SND1: variants seen among roughly 807,000 people sequenced by gnomAD.
The protein encoded by SND1 is staphylococcal nuclease and tudor domain containing 1, also known as staphylococcal nuclease domain-containing protein 1.
A neutral mutation model predicts 121.7 loss-of-function variants in SND1; 38 were observed. The observed-to-expected ratio is 0.31, with a 90% CI of 0.24 to 0.41. The LOEUF (loss-of-function observed/expected upper bound fraction) is 0.41. Among genes scored for constraint, SND1 ranks in the 10% least tolerant of loss-of-function variants. The pLI, the probability that SND1 is intolerant of heterozygous loss-of-function variation, is 1.00. For synonymous variants in SND1, 401 were observed against 447.4 expected (o/e 0.90, Z 1.31); for missense variants, 868 against 1,184.6 (o/e 0.73, Z 3.92).
At chr7:127,990,553 T>C (rs144985343) in intron 15 of SND1, among the ~76,000 whole-genome samples, 283 of 152,270 alleles carry the variant, frequency 1.9e-3, no homozygotes, top group African/African-American at 6.7e-3. Flanking sequence ...GGAGGCAGAA[T>C]GGCTGGGATA....
At chr7:127,813,533 G>A (rs931842264) in intron 11 of SND1, among the ~76,000 whole-genome samples, 10 of 152,116 alleles carry the variant, frequency 6.6e-5, no homozygotes, top group Admixed American at 2.0e-4. Flanking sequence ...CATTTCTTTG[G>A]TGAAGTGTGT....
In SND1 at chr7:128,015,403, T is replaced by C. The variant is rs1470865554; in HGVS notation, c.1779+24347T>C. Among the ~76,000 whole-genome samples, 1 of 152,224 alleles carries C rather than the reference T, an allele frequency of 6.6e-6. No individual in the cohort carries two copies. Among genetic ancestry groups the C allele is most frequent in the Non-Finnish European group, 1.5e-5 (1 of 68,044 alleles). The stretch of plus-strand genomic sequence containing the variant: ...AGCCTTCATCAGCGCTAATCTGTTT[T>C]TGAAAATGGCCTTAATCCCACCCAC... On this transcript the variant is annotated intron_variant, in intron 16 of 23. Transcript: ENST00000354725. This position sits in a 1 kb window ranked among gnomAD's most constrained non-coding sequence, Gnocchi z 4.5.
chr7:127,902,618 C>G (rs1322896011), intron 13 of SND1, among the ~76,000 whole-genome samples: 1 of 152,180 alleles, frequency 6.6e-6, no homozygotes, highest in Non-Finnish European at 1.5e-5. Context: ...AGTGGCAAAG[C>G]TTGAGAATCG....
chr7:128,073,125 G>T (rs536355212), intron 16 of SND1, among the ~76,000 whole-genome samples: 1 of 152,308 alleles, frequency 6.6e-6, no homozygotes, highest in African/African-American at 2.4e-5. Context: ...TTAGGGAGGG[G>T]CAGGGTCTTT....
intron 1 of SND1, among the ~76,000 whole-genome samples, chr7:127,673,021 G>A (rs1361770133): frequency 1.3e-5 from 2 of 151,600 alleles, no homozygotes; most frequent in South Asian, 2.1e-4. Flanking sequence ...GTAATTTTAG[G>A]TATAAGTATC....
rs757644341 is a variant in SND1, at chr7:127,844,287, A to T, written c.1243-37A>T. The stretch of plus-strand genomic sequence containing the variant: ...TGGCTGCTAGTGAGCTATGTTGCAG[A>T]CTCTCAACCCTAATTCCCTTGATTC... On this transcript the variant is annotated intron_variant, in intron 11 of 23. Coordinates refer to ENST00000354725, the MANE Select transcript of SND1 (RefSeq NM_014390.4). 2.6e-6 allele frequency: 4 copies of T among 1,556,040 alleles called. 1 individual carries two copies. The highest frequency in any genetic ancestry group is 3.5e-6 in the Non-Finnish European group (4 of 1,131,582).
chr7:127,930,102 G>A (rs1800930475), intron 15 of SND1, among the ~76,000 whole-genome samples: 1 of 152,094 alleles, frequency 6.6e-6, no homozygotes, highest in Non-Finnish European at 1.5e-5. Context: ...AGTCTTTGAG[G>A]GAAAGCTGTC....
chr7:127,964,202 G>A (rs1358959222), intron 15 of SND1, among the ~76,000 whole-genome samples: 2 of 151,408 alleles, frequency 1.3e-5, no homozygotes, highest in East Asian at 3.9e-4. Context: ...CATGTTATAG[G>A]TTGCCTGTTC....
At chr7:127,874,544 G>GT (rs1033832402) in intron 12 of SND1, among the ~76,000 whole-genome samples, 7 of 151,720 alleles carry the variant, frequency 4.6e-5, no homozygotes, top group Non-Finnish European at 8.8e-5. Context: ...AGCTGAGGGT[G>GT]TTTTTTGATA....
At chr7:127,697,798 A>G (rs1258773947) in intron 3 of SND1, among the ~76,000 whole-genome samples, 2 of 152,158 alleles carry the variant, frequency 1.3e-5, no homozygotes, top group African/African-American at 4.8e-5. Flanking sequence ...CGGTGTATGT[A>G]CCTGTTACTG....
chr7:127,817,875 C>G (rs956322760), intron 11 of SND1, among the ~76,000 whole-genome samples: 2 of 152,042 alleles, frequency 1.3e-5, no homozygotes, highest in Non-Finnish European at 2.9e-5. Flanking sequence ...TTCCTCCCCA[C>G]CCCTATAGGG....
chr7:127,962,724 C>T (rs1051374163), intron 15 of SND1, among the ~76,000 whole-genome samples: 1 of 152,168 alleles, frequency 6.6e-6, no homozygotes, highest in Non-Finnish European at 1.5e-5. Flanking sequence ...GAAAACTATC[C>T]GACTGTCTGG....
intron 16 of SND1, chr7:128,032,209 GGCGCCTTCCAGCGCC>G (rs896153079): frequency 6.6e-6 from 1 of 151,300 alleles, no homozygotes; most frequent in African/African-American, 2.4e-5. Context: ...GGTTAACGCC[GGCGCCTTCCAGCGCC>G]GCGCCGGCCG....
At chr7:127,859,703 A>G (rs929054015) in intron 12 of SND1, among the ~76,000 whole-genome samples, 1 of 152,148 alleles carries the variant, frequency 6.6e-6, no homozygotes. Flanking sequence ...ATTAAAATCT[A>G]AGTACTGATG....
chr7:127,884,793 A>G (rs117120069), intron 12 of SND1, among the ~76,000 whole-genome samples: 1,904 of 152,190 alleles, frequency 0.013, 19 homozygotes, highest in Non-Finnish European at 0.021. Context: ...CCAACATACC[A>G]TGAGTTCACA....
intron 15 of SND1, among the ~76,000 whole-genome samples, chr7:127,943,886 C>T (rs1242791335): frequency 6.6e-6 from 1 of 152,182 alleles, no homozygotes; most frequent in Non-Finnish European, 1.5e-5. Flanking sequence ...TTTTTCATTA[C>T]ATTTGTTAAC....
intron 15 of SND1, among the ~76,000 whole-genome samples, chr7:127,949,724 G>A (rs1162329142): frequency 1.3e-5 from 2 of 152,134 alleles, no homozygotes; most frequent in Admixed American, 6.5e-5. Context: ...ATTTGAAGCT[G>A]CCTCCCAGCT....
intron 14 of SND1, among the ~76,000 whole-genome samples, chr7:127,928,337 C>T (rs1467405555): frequency 6.6e-6 from 1 of 152,046 alleles, no homozygotes; most frequent in African/African-American, 2.4e-5. Flanking sequence ...ATCTCATCCC[C>T]AAAATGAACA....
intron 14 of SND1, among the ~76,000 whole-genome samples, chr7:127,914,617 G>A (rs971249470): frequency 6.6e-6 from 1 of 152,076 alleles, no homozygotes; most frequent in African/African-American, 2.4e-5. Flanking sequence ...CCAAGTGATG[G>A]GCTCAAACAG....
Sources: allele counts gnomAD v4.1 joint callset (sites outside exome capture counted in the v4.1 genomes callset), GRCh38; gene constraint gnomAD v4.1.1; non-coding constraint Gnocchi (gnomAD v3.1); transcripts MANE v1.5; gene names NCBI Gene and HGNC (gene_info 2026-07-23, HGNC 2026-07-21).